Variants in RAB3C observed in about 807,000 individuals in gnomAD.
RAB3C encodes the protein RAB3C, member RAS oncogene family.
A neutral mutation model predicts 26.4 loss-of-function variants in RAB3C; 17 were observed. The observed-to-expected ratio is 0.64, with a 90% CI of 0.44 to 0.97. The LOEUF (loss-of-function observed/expected upper bound fraction) is 0.97. Ranked by LOEUF, RAB3C falls within the 50% of genes least tolerant of loss-of-function variation. The pLI is 0.00. For synonymous variants in RAB3C, 91 were observed against 95.9 expected (o/e 0.95, Z 0.30); for missense variants, 242 against 281.9 (o/e 0.86, Z 1.01).
At chr5:58,591,895 T>A (rs1354433756) in intron 1 of RAB3C, among the ~76,000 whole-genome samples, 1 of 127,322 alleles carries the variant, frequency 7.9e-6, no homozygotes, top group Non-Finnish European at 1.6e-5. Flanking sequence ...CTTTTCTTTT[T>A]CTATTTTTTT....
chr5:58,615,985 G>GACAC (rs58004467), intron 1 of RAB3C, among the ~76,000 whole-genome samples: 35,268 of 149,480 alleles, frequency 0.24, 4,340 homozygotes, highest in East Asian at 0.35. Flanking sequence ...CACACACACA[G>GACAC]ACACACACAC....
At chr5:58,752,858 A>G (rs1447896222) in intron 3 of RAB3C, among the ~76,000 whole-genome samples, 2 of 152,062 alleles carry the variant, frequency 1.3e-5, no homozygotes, top group Non-Finnish European at 2.9e-5. Flanking sequence ...TAAATTATGG[A>G]AATTCACTCC....
intron 2 of RAB3C, among the ~76,000 whole-genome samples, chr5:58,682,245 T>A (rs1748358798): frequency 6.6e-6 from 1 of 152,168 alleles, no homozygotes; most frequent in South Asian, 2.1e-4. Flanking sequence ...AGAGGTTATA[T>A]GCTTATGTGA....
At chr5:58,633,915 G>T (rs158979) in intron 2 of RAB3C, among the ~76,000 whole-genome samples, 28,793 of 151,678 alleles carry the variant, frequency 0.19, 3,010 homozygotes, top group Admixed American at 0.28. Context: ...GGCGGATCAT[G>T]AGGTCCAGAG....
At position 58,669,828 on chromosome 5, in the gene RAB3C, A is replaced by G. The variant is rs572767580; in HGVS notation, c.252+51958A>G. 7.2e-5 allele frequency among the ~76,000 whole-genome samples: 11 copies of G among 152,280 alleles called. No homozygotes were observed. The South Asian group carries it at 2.3e-3, about 32-fold the overall frequency. ...GCAGGCAAGACCAAGGCTCAAGACA[A>G]CCAAGAACTCATCATCCAGTTCCCA... On this transcript the variant is annotated intron_variant, in intron 2 of 4. Coordinates refer to ENST00000282878, the MANE Select transcript of RAB3C (RefSeq NM_138453.4).
chr5:58,681,202 A>G (rs1748335780), intron 2 of RAB3C, among the ~76,000 whole-genome samples: 1 of 152,244 alleles, frequency 6.6e-6, no homozygotes, highest in South Asian at 2.1e-4. Flanking sequence ...ACTGCTTCCC[A>G]TGTTTATTTT....
intron 1 of RAB3C, among the ~76,000 whole-genome samples, chr5:58,599,171 C>T (rs1746395403): frequency 1.3e-5 from 2 of 152,140 alleles, no homozygotes; most frequent in Admixed American, 1.3e-4. Flanking sequence ...TCACATCCCA[C>T]TAAGAATGTG....
intron 3 of RAB3C, among the ~76,000 whole-genome samples, chr5:58,727,628 G>C (rs1740920536): frequency 6.6e-6 from 1 of 151,940 alleles, no homozygotes. Flanking sequence ...TGACAAAAAG[G>C]TTGGTTCAAT....
intron 2 of RAB3C, among the ~76,000 whole-genome samples, chr5:58,719,561 G>C (rs575843337): frequency 6.6e-6 from 1 of 152,102 alleles, no homozygotes; most frequent in East Asian, 1.9e-4. Context: ...GGCACAAACT[G>C]GGTGGCTTAA....
chr5:58,705,037 A>G (rs1455296363), intron 2 of RAB3C, among the ~76,000 whole-genome samples: 1 of 152,178 alleles, frequency 6.6e-6, no homozygotes, highest in African/African-American at 2.4e-5. Context: ...TCACTGAAGC[A>G]AACAGGATAA....
intron 1 of RAB3C, among the ~76,000 whole-genome samples, chr5:58,616,353 G>A (rs1256410219): frequency 6.6e-6 from 1 of 152,134 alleles, no homozygotes; most frequent in Non-Finnish European, 1.5e-5. Flanking sequence ...ATCACCATAT[G>A]TGACTAGTGG....
At chr5:58,601,994 A>T (rs292978) in intron 1 of RAB3C, among the ~76,000 whole-genome samples, 1 of 152,032 alleles carries the variant, frequency 6.6e-6, no homozygotes, top group South Asian at 2.1e-4. Context: ...TAAGGCTATG[A>T]ACTTTCCTCT....
chr5:58,697,695 T>C (rs778822659), intron 2 of RAB3C, among the ~76,000 whole-genome samples: 21 of 152,188 alleles, frequency 1.4e-4, no homozygotes, highest in Non-Finnish European at 2.9e-4. Context: ...CTTTGTCTCT[T>C]CTGATGTTTG....
In RAB3C at chr5:58,635,636, C is replaced by T. The variant is rs115350306; in HGVS notation, c.252+17766C>T. On this transcript the variant is annotated intron_variant, in intron 2 of 4. Transcript: ENST00000282878. The stretch of plus-strand genomic sequence containing the variant: ...CCTGTCAGGACCAGGGTTTGTACAT[C>T]GTCAGATTCTTTCTTCCTCCTCTAG... Among the ~76,000 whole-genome samples, 108 of 152,296 alleles carry T rather than the reference C, an allele frequency of 7.1e-4. 1 individual carries two copies. Among genetic ancestry groups the T allele is most frequent in the Middle Eastern group, 3.4e-3 (1 of 294 alleles).
At chr5:58,621,526 G>A (rs1324902073) in intron 2 of RAB3C, among the ~76,000 whole-genome samples, 2 of 152,090 alleles carry the variant, frequency 1.3e-5, no homozygotes, top group Admixed American at 1.3e-4. Context: ...GAATCCTCCA[G>A]CTATAGAAAA....
At chr5:58,812,771 A>G (rs115183948) in intron 3 of RAB3C, among the ~76,000 whole-genome samples, 2,597 of 152,354 alleles carry the variant, frequency 0.017, 35 homozygotes, top group Admixed American at 0.049. Flanking sequence ...TATCAATACC[A>G]TGTGAATAAT....
rs549783790 is a variant in RAB3C, at chr5:58,713,298, T to C, written c.253-12704T>C. 8.6e-4 allele frequency among the ~76,000 whole-genome samples: 131 copies of C among 152,298 alleles called. 1 individual carries two copies. The highest frequency in any genetic ancestry group is 3.1e-3 in the African/African-American group (127 of 41,564). On this transcript the variant is annotated intron_variant, in intron 2 of 4. Coordinates refer to ENST00000282878, the MANE Select transcript of RAB3C (RefSeq NM_138453.4). The stretch of plus-strand genomic sequence containing the variant: ...TGGCCACACAGCAATGCAGGAACCA[T>C]TTTTACCATCTTTTGAAATTTTTCA...
At chr5:58,596,011 G>T (rs1746239592) in intron 1 of RAB3C, among the ~76,000 whole-genome samples, 1 of 152,008 alleles carries the variant, frequency 6.6e-6, no homozygotes, top group Admixed American at 6.6e-5. Flanking sequence ...TTGTATAAGG[G>T]GAAGATGGCT....
chr5:58,660,067 A>C (rs566083560), intron 2 of RAB3C, among the ~76,000 whole-genome samples: 1 of 140,834 alleles, frequency 7.1e-6, no homozygotes, highest in African/African-American at 3.2e-5. Flanking sequence ...GGCCTCCCAA[A>C]GTGCTGGGAT....
Sources: gnomAD v4.1 joint callset for allele counts (sites outside exome capture counted in the v4.1 genomes callset) on GRCh38, gnomAD v4.1.1 for gene constraint, MANE v1.5 for transcripts, NCBI Gene and HGNC (gene_info 2026-07-23, HGNC 2026-07-21) for gene names.